The following LDLRAD4 variants were observed in gnomAD, a reference collection of about 807,000 sequenced individuals.
LDLRAD4 encodes low-density lipoprotein receptor class A domain-containing protein 4.
A neutral mutation model predicts 17.0 loss-of-function variants in LDLRAD4; 5 were observed. That is an observed-to-expected ratio of 0.29 (90% CI 0.15 to 0.62). The LOEUF (loss-of-function observed/expected upper bound fraction) is 0.62. Ranked by LOEUF, LDLRAD4 falls within the 20% of genes least tolerant of loss-of-function variation. The pLI, the probability that LDLRAD4 is intolerant of heterozygous loss-of-function variation, is 0.84. For missense variants in LDLRAD4, 340 were observed against 424.7 expected (o/e 0.80, Z 1.75); for synonymous variants, 168 against 171.8 (o/e 0.98, Z 0.17).
At chr18:13,465,487 T>TC (rs1229149868) in intron 3 of LDLRAD4, among the ~76,000 whole-genome samples, 15 of 152,336 alleles carry the variant, frequency 9.8e-5, no homozygotes, top group African/African-American at 3.6e-4. Context: ...AAAGGGGAGA[T>TC]GGGCATACGA....
rs186104767 is a variant in LDLRAD4 at position 13,411,179 on chromosome 18, G to C, written c.40+23417G>C. 2.9e-3 allele frequency among the ~76,000 whole-genome samples: 441 copies of C among 151,956 alleles called. 4 individuals are homozygous for C. Among genetic ancestry groups the C allele is most frequent in the Middle Eastern group, 0.017 (5 of 294 alleles). On this transcript the variant is annotated intron_variant, in intron 2 of 5. Transcript: ENST00000359446. ...AGGTAGGAGGATCACCTGAGTCTGG[G>C]AGGTGAAGTTTGAAGTGAGCTGAGA...
chr18:13,618,478 CAT>C (rs1490143254), intron 3 of LDLRAD4, among the ~76,000 whole-genome samples: 1 of 152,150 alleles, frequency 6.6e-6, no homozygotes, highest in East Asian at 1.9e-4. Context: ...CTTGTGAAAA[CAT>C]AATTTGATTT....
intron 1 of LDLRAD4, among the ~76,000 whole-genome samples, chr18:13,298,906 A>G (rs1429294224): frequency 6.6e-6 from 1 of 152,222 alleles, no homozygotes; most frequent in Admixed American, 6.5e-5. Flanking sequence ...GGCTTGTCCA[A>G]AATTACTCCA....
At chr18:13,629,811 T>A (rs1258930703) in intron 4 of LDLRAD4, among the ~76,000 whole-genome samples, 1 of 152,052 alleles carries the variant, frequency 6.6e-6, no homozygotes, top group Non-Finnish European at 1.5e-5. Context: ...AAAAATTATC[T>A]TAATGATCAT....
chr18:13,305,019 T>C (rs1012710828), intron 1 of LDLRAD4, among the ~76,000 whole-genome samples: 1 of 152,050 alleles, frequency 6.6e-6, no homozygotes, highest in Non-Finnish European at 1.5e-5. Flanking sequence ...CAGATTTTTT[T>C]CAATAAATAT....
At chr18:13,244,849 C>G (rs2145737457) in intron 1 of LDLRAD4, among the ~76,000 whole-genome samples, 1 of 152,282 alleles carries the variant, frequency 6.6e-6, no homozygotes, top group South Asian at 2.1e-4. Context: ...TGGGAGTGTT[C>G]ATTTTAAAGT....
intron 2 of LDLRAD4, among the ~76,000 whole-genome samples, chr18:13,399,926 T>C (rs1026945761): frequency 2.0e-5 from 3 of 152,260 alleles, no homozygotes; most frequent in African/African-American, 7.2e-5. Flanking sequence ...ATTTGTCATT[T>C]AGATGCAATT....
chr18:13,645,324 G>T lies in LDLRAD4; in HGVS notation c.588G>T (p.Gln196His). 1 of 1,614,190 alleles carries T rather than the reference G, an allele frequency of 6.2e-7. No homozygotes were observed. Among genetic ancestry groups the T allele is most frequent in the East Asian group, 2.2e-5 (1 of 44,880 alleles). ...CCCTGCAGCTCCGGGACCCTGAACA[G>T]CAGATGGAACTCAACCGAGAGTCCG... The change falls in exon 6 of 6, where the codon CAG becomes CAT. Residue 196 changes from glutamine to histidine, a missense_variant. Physicochemically the swap from Gln to His is conservative, Grantham distance 24. Coordinates refer to ENST00000359446, the Ensembl canonical transcript of LDLRAD4. This position sits in a 1 kb window ranked among gnomAD's most constrained non-coding sequence, Gnocchi z 5.7.
Position 13,622,819 on chromosome 18 carries a change from G to T in LDLRAD4, c.336+1548G>T, listed in dbSNP as rs2040776443. Among the ~76,000 whole-genome samples the T allele has an allele frequency of 6.6e-6, 1 of 152,324 alleles. No individual in the cohort carries two copies. Among genetic ancestry groups the T allele is most frequent in the Admixed American group, 6.5e-5 (1 of 15,304 alleles). On this transcript the variant is annotated intron_variant, in intron 4 of 5. Coordinates refer to ENST00000359446, the Ensembl canonical transcript of LDLRAD4. The surrounding 1 kb of genome is among the most constrained non-coding windows in gnomAD (Gnocchi z 5.3). ...GCTGCTTTGCCTTAATGTATTACGG[G>T]CTGTGAACGCCACCCCTGGACTTGG...
intron 3 of LDLRAD4, among the ~76,000 whole-genome samples, chr18:13,516,924 A>G (rs1329133566): frequency 6.6e-6 from 1 of 152,188 alleles, no homozygotes. Flanking sequence ...ATCCTAGATC[A>G]CTGCAGCCTC....
At chr18:13,376,565 T>G (rs1447087951) in intron 1 of LDLRAD4, among the ~76,000 whole-genome samples, 9 of 152,180 alleles carry the variant, frequency 5.9e-5, no homozygotes, top group Admixed American at 5.9e-4. Context: ...ACACAGGGGC[T>G]TCTTCTGCGG....
chr18:13,364,357 A>C (rs926277292), intron 1 of LDLRAD4, among the ~76,000 whole-genome samples: 1 of 152,100 alleles, frequency 6.6e-6, no homozygotes, highest in Non-Finnish European at 1.5e-5. Flanking sequence ...TTTTTAAAAG[A>C]GACAAGGTCT....
At chr18:13,503,182 C>T (rs1210110690) in intron 3 of LDLRAD4, among the ~76,000 whole-genome samples, 3 of 152,200 alleles carry the variant, frequency 2.0e-5, no homozygotes, top group African/African-American at 7.2e-5. Flanking sequence ...GGGCATTTAA[C>T]GTTTTAAGCT....
At chr18:13,328,690 G>T (rs932830011) in intron 1 of LDLRAD4, among the ~76,000 whole-genome samples, 1 of 152,158 alleles carries the variant, frequency 6.6e-6, no homozygotes, top group African/African-American at 2.4e-5. Context: ...ATATATTAAT[G>T]TGTTCATTTA....
At chr18:13,581,564 T>C (rs1442506816) in intron 3 of LDLRAD4, among the ~76,000 whole-genome samples, 5 of 152,234 alleles carry the variant, frequency 3.3e-5, no homozygotes, top group Non-Finnish European at 7.3e-5. Context: ...TAAAATTGCA[T>C]CTTAGCATTA....
At chr18:13,346,133 G>A (rs1407995412) in intron 1 of LDLRAD4, among the ~76,000 whole-genome samples, 8 of 152,280 alleles carry the variant, frequency 5.3e-5, no homozygotes, top group Non-Finnish European at 1.0e-4. Context: ...TTTTGAATGT[G>A]TTTGCTCTTG....
intron 1 of LDLRAD4, among the ~76,000 whole-genome samples, chr18:13,289,116 T>C (rs2045821592): frequency 6.6e-6 from 1 of 152,234 alleles, no homozygotes; most frequent in Non-Finnish European, 1.5e-5. Context: ...GCTCCACTGC[T>C]TGGTATTTTC....
intron 3 of LDLRAD4, among the ~76,000 whole-genome samples, chr18:13,545,992 C>G (rs1383997736): frequency 6.6e-6 from 1 of 152,152 alleles, no homozygotes; most frequent in Admixed American, 6.5e-5. Context: ...ATGCAGTGTT[C>G]ATAACTGTGG....
At chr18:13,530,094 A>G (rs1304617448) in intron 3 of LDLRAD4, among the ~76,000 whole-genome samples, 1 of 152,190 alleles carries the variant, frequency 6.6e-6, no homozygotes, top group African/African-American at 2.4e-5. Context: ...TAAAATTCAC[A>G]TTTGAGTCAA....
Sources: allele counts gnomAD v4.1 joint callset (sites outside exome capture counted in the v4.1 genomes callset), GRCh38; gene constraint gnomAD v4.1.1; non-coding constraint Gnocchi (gnomAD v3.1); transcripts MANE v1.5; gene names NCBI Gene and HGNC (gene_info 2026-07-23, HGNC 2026-07-21).